The following RECQL5 variants were observed in gnomAD, a reference collection of about 807,000 sequenced individuals.
The protein encoded by RECQL5 is RecQ like helicase 5.
In RECQL5, 88 loss-of-function variants were observed where a neutral mutation model predicts 103.4. The observed-to-expected ratio is 0.85, with a 90% CI of 0.72 to 1.02. RECQL5 has a LOEUF of 1.02. RECQL5 is among the 50% of genes least tolerant of loss of function. The pLI, the probability that RECQL5 is intolerant of heterozygous loss-of-function variation, is 0.00. For synonymous variants in RECQL5, 552 were observed against 507.9 expected, an observed-to-expected ratio of 1.09 and a Z score of -1.17; for missense variants, 1,232 against 1,284.3, an observed-to-expected ratio of 0.96 and a Z score of 0.62.
intron 8 of RECQL5, among the ~76,000 whole-genome samples, chr17:75,645,895 T>C (rs1041430135): frequency 6.6e-6 from 1 of 152,100 alleles, no homozygotes. Context: ...CTTTACCAGC[T>C]GGGATAAGCA....
Position 75,629,424 on chromosome 17 carries a change from G to C in RECQL5, c.1999C>G (p.Gln667Glu). Reference sequence around the variant, plus strand: ...GTCTCCATCAGTTCCGTGGCCGTCTGGAACGGGCAGGAGCCTTTGGGGAAA... The same window carrying C: ...GTCTCCATCAGTTCCGTGGCCGTCTCGAACGGGCAGGAGCCTTTGGGGAAA... ...AGFPKGSCPF[Q>E]TATELMETTR... Residue 667 changes from glutamine to glutamate, a missense_variant, in exon 16 of 20, where the codon CAG becomes GAG. Gln to Glu is a conservative substitution (Grantham distance 29). Transcript: ENST00000317905. 6.6e-7 allele frequency: 1 copy of C among 1,506,128 alleles called. No individual in the cohort carries two copies. The highest frequency in any genetic ancestry group is 8.9e-7 in the Non-Finnish European group (1 of 1,128,226). The allele number at this position is 1,506,128 out of a possible 1,614,324, so 93.3% of individuals were successfully genotyped here. A position where few individuals can be genotyped will look rare whatever the true frequency, so the allele number is the denominator to read the frequency against.
rs573746174 is a variant in RECQL5, at chr17:75,662,192, A to G, written c.771+287T>C. ...AAAAACAGGCCAAAAGCTGCTCAAA[A>G]CTCAACCTGTTTAACTTCTCTGCCT... On this transcript the variant is annotated intron_variant, in intron 4 of 19. Transcript: ENST00000317905. Among the ~76,000 whole-genome samples the G allele has an allele frequency of 5.9e-5, 9 of 151,950 alleles. No homozygotes were observed. The East Asian group carries it at 1.5e-3, about 26-fold the overall frequency.
At position 75,629,024 on chromosome 17, in the gene RECQL5, G is replaced by A. The variant is rs1568254620; in HGVS notation, c.2399C>T (p.Ala800Val). 1 of 1,583,916 alleles carries A rather than the reference G, an allele frequency of 6.3e-7. No individual in the cohort carries two copies. The highest frequency in any genetic ancestry group is 1.8e-5 in the Admixed American group (1 of 55,076). Residue 800 changes from alanine to valine, a missense_variant, in exon 16 of 20, where the codon GCC becomes GTC. Ala to Val is a moderately conservative substitution (Grantham distance 64, BLOSUM62 0). Coordinates refer to ENST00000317905, the MANE Select transcript of RECQL5 (RefSeq NM_004259.7). The stretch of plus-strand genomic sequence containing the variant: ...TTCCTCCCCTGTGTACTTCTCTGGG[G>A]CCATCGGGGGTCCCTGAACCCCCTC... ...SCEGVQGPPM[A>V]PEKYTGEEDG... is the part of the protein sequence containing the mutation.
chr17:75,631,793 ACCCCTCATCTCAT>A (rs2059221498), intron 8 of RECQL5, 125 bp from the exon 9 acceptor site: 6 of 926,518 alleles, frequency 6.5e-6, no homozygotes, highest in Admixed American at 4.4e-5. Context: ...GGAGCCCCAC[ACCCCTCATCTCAT>A]CCAAGCTGCA....
At position 75,640,554 on chromosome 17, in the gene RECQL5, C is replaced by T. The variant is rs977311283; in HGVS notation, c.1230-8886G>A. The stretch of plus-strand genomic sequence containing the variant: ...CCCAGCAGTACCCCGGGATCCCAAA[C>T]GCGGGGATGACGGGAGCCAGGCTTG... On this transcript the variant is annotated intron_variant, in intron 8 of 19. Transcript: ENST00000317905. This position sits in a 1 kb window ranked among gnomAD's most constrained non-coding sequence, Gnocchi z 4.6. Among the ~76,000 whole-genome samples, 2 of 152,124 alleles carry T rather than the reference C, an allele frequency of 1.3e-5. No individual in the cohort carries two copies. Among genetic ancestry groups the T allele is most frequent in the African/African-American group, 2.4e-5 (1 of 41,424 alleles).
chr17:75,650,999 G>C, intron 8 of RECQL5, 187 bp downstream of exon 8: 2 of 1,509,926 alleles, frequency 1.3e-6, no homozygotes, highest in Admixed American at 4.4e-5. Context: ...CACTGCGAGA[G>C]ATCCCGGGGC....
At chr17:75,665,429 C>T (rs573325072) in intron 2 of RECQL5, among the ~76,000 whole-genome samples, 5 of 152,280 alleles carry the variant, frequency 3.3e-5, no homozygotes, top group East Asian at 1.9e-4. Flanking sequence ...CAGTGGCTCA[C>T]GCCTGTAATC....
At chr17:75,630,056 T>C in intron 14 of RECQL5, 128 bp downstream of exon 14, 2 of 797,336 alleles carry the variant, frequency 2.5e-6, no homozygotes, top group Non-Finnish European at 3.8e-6. Context: ...CCCCATAAAC[T>C]GTCTCTGGGG....
chr17:75,641,104 G>A lies in RECQL5; in HGVS notation c.1230-9436C>T. ...AGGTGCAAACCTCTCATCTGCCAGT[G>A]GACACTGGGTGCTGGGGAGTCAGCT... On this transcript the variant is annotated intron_variant, in intron 8 of 19. Transcript: ENST00000317905. The A allele has an allele frequency of 5.7e-6, 5 of 870,306 alleles. No individual in the cohort carries two copies. The South Asian group carries it at 1.0e-4, about 17-fold the overall frequency. 53.9% of individuals were successfully genotyped at this position (870,306 alleles called of 1,614,324 possible). A position where few individuals can be genotyped will look rare whatever the true frequency, so the allele number is the denominator to read the frequency against.
At position 75,629,171 on chromosome 17, in the gene RECQL5, T is replaced by C; in HGVS notation, c.2252A>G (p.Gln751Arg). The change falls in exon 16 of 20, where the codon CAG becomes CGG. Residue 751 changes from glutamine (Q) to arginine (R), a missense_variant. Coordinates refer to ENST00000317905, the MANE Select transcript of RECQL5 (RefSeq NM_004259.7). ...LAKGRASKKQ[Q>R]LLATAAHKDS... ...CTTGTGGGCCGCTGTGGCTAGGAGC[T>C]GCTGTTTCTTGCTAGCCCGGCCCTT... The C allele has an allele frequency of 1.9e-6, 3 of 1,613,720 alleles. No individual in the cohort carries two copies. In the South Asian group the frequency reaches 3.3e-5, roughly 18 times the overall value.
chr17:75,666,220 T>A (rs2059777599), intron 2 of RECQL5, among the ~76,000 whole-genome samples: 1 of 152,010 alleles, frequency 6.6e-6, no homozygotes. Context: ...GAGCCCAGGA[T>A]TTGGAGACCA....
At chr17:75,634,698 T>C (rs1281092781) in intron 8 of RECQL5, among the ~76,000 whole-genome samples, 1 of 152,230 alleles carries the variant, frequency 6.6e-6, no homozygotes, top group Non-Finnish European at 1.5e-5. Context: ...CTTGGCCCAC[T>C]CACTGCTGGT....
At chr17:75,666,377 G>T (rs778243540) in intron 2 of RECQL5, 51 bp downstream of exon 2, 9 of 1,603,470 alleles carry the variant, frequency 5.6e-6, no homozygotes, top group East Asian at 2.2e-5. Flanking sequence ...CTGCCGCAGC[G>T]TTATGGTATA....
At chr17:75,665,339 G>C (rs2059754489) in intron 2 of RECQL5, among the ~76,000 whole-genome samples, 167 bp from the exon 3 acceptor site, 1 of 152,186 alleles carries the variant, frequency 6.6e-6, no homozygotes, top group East Asian at 1.9e-4. Context: ...AAAAGGCAAG[G>C]ATCCTGGGAA....
intron 7 of RECQL5, among the ~76,000 whole-genome samples, chr17:75,651,575 G>C (rs978163646): frequency 3.3e-5 from 5 of 152,166 alleles, no homozygotes; most frequent in African/African-American, 1.2e-4. Flanking sequence ...AGCAAGCTGA[G>C]ATCATGCCAC....
Position 75,640,372 on chromosome 17 carries a change from G to A in RECQL5, c.1230-8704C>T, listed in dbSNP as rs2059413163. On this transcript the variant is annotated intron_variant, in intron 8 of 19. Coordinates refer to ENST00000317905, the MANE Select transcript of RECQL5 (RefSeq NM_004259.7). This position sits in a 1 kb window ranked among gnomAD's most constrained non-coding sequence, Gnocchi z 4.6. ...CACCCCATGGCTCTCCCTGGCATCT[G>A]GGAGAGACCACACCATGGTGCCAGC... 6.7e-7 allele frequency: 1 copy of A among 1,496,000 alleles called. No homozygotes were observed. The highest frequency in any genetic ancestry group is 9.0e-7 in the Non-Finnish European group (1 of 1,116,852). The allele number at this position is 1,496,000 out of a possible 1,614,324, so 92.7% of individuals were successfully genotyped here.
At chr17:75,664,907 T>C (rs1283002436) in intron 3 of RECQL5, 144 bp downstream of exon 3, 404 of 1,155,662 alleles carry the variant, frequency 3.5e-4, no homozygotes, top group Non-Finnish European at 4.3e-4. Flanking sequence ...AGTAAGACTC[T>C]GTCTCAAAAA....
At position 75,628,308 on chromosome 17, in the gene RECQL5, G is replaced by C. The variant is rs1490250866; in HGVS notation, c.2715C>G (p.Leu905=). 3.7e-6 allele frequency: 6 copies of C among 1,614,038 alleles called. No homozygotes were observed. The highest frequency in any genetic ancestry group is 2.7e-5 in the African/African-American group (2 of 74,932). ...LNPTAQDPFQ[L]SAPGVSLKEA... ...CCTTCAAGGAGACGCCAGGAGCGGA[G>C]AGCTGGAAGGGGTCTTGAGCCGTGG... Residue 905 remains leucine (L), a synonymous_variant, in exon 18 of 20, where the codon CTC becomes CTG. Transcript: ENST00000317905.
At chr17:75,659,796 A>G (rs1300082576) in intron 6 of RECQL5, among the ~76,000 whole-genome samples, 2 of 152,232 alleles carry the variant, frequency 1.3e-5, no homozygotes, top group African/African-American at 4.8e-5. Context: ...CATACAAGGT[A>G]TTATTATTTG....
Sources: allele counts gnomAD v4.1 joint callset (sites outside exome capture counted in the v4.1 genomes callset), GRCh38; gene constraint gnomAD v4.1.1; non-coding constraint Gnocchi (gnomAD v3.1); transcripts MANE v1.5; gene names NCBI Gene and HGNC (gene_info 2026-07-23, HGNC 2026-07-21).